CWH43: variants seen among roughly 807,000 people sequenced by gnomAD.
CWH43 encodes the protein cell wall biogenesis 43 C-terminal homolog.
In CWH43, 91 loss-of-function variants were observed where a neutral mutation model predicts 85.7. That is an observed-to-expected ratio of 1.06 (90% CI 0.90 to 1.26). CWH43 has a LOEUF of 1.26. Ranked by LOEUF, CWH43 falls within the 50% of genes most tolerant of loss-of-function variation. The pLI, the probability that CWH43 is intolerant of heterozygous loss-of-function variation, is 0.00. For synonymous variants in CWH43, 323 were observed against 293.6 expected (o/e 1.10, Z -1.02); for missense variants, 869 against 839.2 (o/e 1.04, Z -0.44).
Position 49,007,220 on chromosome 4 carries a change from C to A in CWH43, c.1080C>A (p.Ile360=), listed in dbSNP as rs769722314. Residue 360 remains isoleucine, a synonymous_variant, in exon 8 of 16, where the codon ATC becomes ATA. Transcript: ENST00000226432. ...DVLLGTMMLI[I]GLNMLFGPKK... ...TAACAGGGACAATGATGTTAATTAT[C>A]GGGCTGAATATGCTATTTGGTCCTA... is the stretch of plus-strand genomic sequence containing the variant. The A allele has an allele frequency of 6.2e-7, 1 of 1,609,912 alleles. No individual in the cohort carries two copies. Among genetic ancestry groups the A allele is most frequent in the South Asian group, 1.1e-5 (1 of 89,886 alleles).
intron 9 of CWH43, among the ~76,000 whole-genome samples, chr4:49,021,769 T>C (rs949684347): frequency 6.6e-6 from 1 of 152,224 alleles, no homozygotes; most frequent in African/African-American, 2.4e-5. Context: ...TTCACCTCCT[T>C]GGTTAAGTAT....
intron 1 of CWH43, 144 bp from the exon 2 acceptor site, chr4:48,988,329 ATGTC>A: frequency 1.8e-6 from 1 of 553,414 alleles, no homozygotes; most frequent in Non-Finnish European, 3.1e-6. Flanking sequence ...GTTTTGTTCC[ATGTC>A]AGTGGAGACA....
chr4:49,049,632 G>A (rs557316190), intron 14 of CWH43, among the ~76,000 whole-genome samples: 8 of 152,150 alleles, frequency 5.3e-5, no homozygotes, highest in South Asian at 2.1e-4. Context: ...ACTTCACTCC[G>A]GTCATGGTGG....
At chr4:48,989,575 C>T (rs572680212) in intron 2 of CWH43, among the ~76,000 whole-genome samples, 1 of 152,288 alleles carries the variant, frequency 6.6e-6, no homozygotes, top group African/African-American at 2.4e-5. Flanking sequence ...TGGATCCCCA[C>T]AAAGGTATAG....
intron 15 of CWH43, among the ~76,000 whole-genome samples, chr4:49,059,428 A>G (rs573134309): frequency 3.3e-5 from 5 of 151,986 alleles, no homozygotes; most frequent in South Asian, 2.1e-4. Flanking sequence ...GATTATTTTG[A>G]ATTTTTCATT....
In CWH43 at chr4:49,003,822, T is replaced by C. The variant is rs766403715; in HGVS notation, c.890T>C (p.Met297Thr). 1.2e-6 allele frequency: 2 copies of C among 1,614,006 alleles called. No individual in the cohort carries two copies. Among genetic ancestry groups the C allele is most frequent in the Non-Finnish European group, 1.7e-6 (2 of 1,179,934 alleles). ...GTCTTCGCCATCTTTACTGCATCCATGTGGCCCCAAACACTTGGACACCTT... is the reference window on the plus strand; with the variant it reads ...GTCTTCGCCATCTTTACTGCATCCACGTGGCCCCAAACACTTGGACACCTT... ...GCVFAIFTAS[M>T]WPQTLGHLIN... is the part of the protein sequence containing the mutation. Residue 297 changes from methionine (M) to threonine (T), a missense_variant, in exon 7 of 16, where the codon ATG becomes ACG. Met to Thr is a moderately conservative substitution (Grantham distance 81). This residue lies in a region of CWH43 where 577 missense variants were observed against 513.1 expected (regional missense o/e 1.12). Transcript: ENST00000226432.
intron 8 of CWH43, 83 bp from the exon 9 acceptor site, chr4:49,017,166 T>G (rs1783575812): frequency 1.8e-6 from 2 of 1,142,816 alleles, no homozygotes; most frequent in African/African-American, 3.1e-5. Flanking sequence ...GCACTGGAGC[T>G]GAGGCACTGA....
chr4:48,986,581 G>T (rs1251985762), intron 1 of CWH43, 109 bp downstream of exon 1: 1 of 1,523,568 alleles, frequency 6.6e-7, no homozygotes, highest in African/African-American at 1.4e-5. Context: ...GGAAAAGGGC[G>T]CTCCGTGCCC....
intron 7 of CWH43, among the ~76,000 whole-genome samples, chr4:49,005,426 T>A (rs1783124398): frequency 6.6e-6 from 1 of 152,142 alleles, no homozygotes; most frequent in African/African-American, 2.4e-5. Flanking sequence ...ACACCCACTG[T>A]CCTTGCCTAC....
intron 12 of CWH43, 73 bp from the exon 13 acceptor site, chr4:49,037,963 A>G: frequency 7.3e-7 from 1 of 1,376,076 alleles, no homozygotes; most frequent in South Asian, 1.4e-5. Context: ...AGTCTTTGGC[A>G]ACTTAGGTAC....
At chr4:49,004,075 A>T in intron 7 of CWH43, 83 bp downstream of exon 7, 1 of 1,261,696 alleles carries the variant, frequency 7.9e-7, no homozygotes, top group Non-Finnish European at 1.1e-6. Flanking sequence ...ACTTTATGTA[A>T]CTGGTGGAAA....
rs376409228 is a variant in CWH43, at chr4:48,993,215, T to C, written c.511+1125T>C. On this transcript the variant is annotated intron_variant, in intron 4 of 15. Coordinates refer to ENST00000226432, the MANE Select transcript of CWH43 (RefSeq NM_025087.3). ...CCTATCTGAGCATACCAAGTATTTT[T>C]TGTAGTTTCCTTTGAAGATTTGTTG... 3.3e-5 allele frequency among the ~76,000 whole-genome samples: 5 copies of C among 152,346 alleles called. No homozygotes were observed. The South Asian group carries it at 8.3e-4, about 25-fold the overall frequency.
intron 13 of CWH43, among the ~76,000 whole-genome samples, chr4:49,042,978 C>T (rs778132824): frequency 6.6e-6 from 1 of 152,174 alleles, no homozygotes; most frequent in Non-Finnish European, 1.5e-5. Context: ...TTACTTATGG[C>T]AGGAGGGTCT....
At chr4:49,007,562 G>C (rs1577666552) in intron 8 of CWH43, among the ~76,000 whole-genome samples, 1 of 152,066 alleles carries the variant, frequency 6.6e-6, no homozygotes, top group East Asian at 1.9e-4. Context: ...TGCCATGTTG[G>C]TTTGCTGGAC....
At chr4:49,049,256 C>A (rs1784721600) in intron 14 of CWH43, among the ~76,000 whole-genome samples, 1 of 152,158 alleles carries the variant, frequency 6.6e-6, no homozygotes, top group Admixed American at 6.6e-5. Context: ...CTTACCTTTC[C>A]CAATGGGCAG....
At position 48,986,397 on chromosome 4, in the gene CWH43, C is replaced by G. The variant is rs368182755; in HGVS notation, c.-33C>G. 6.5e-7 allele frequency: 1 copy of G among 1,545,928 alleles called. No homozygotes were observed. The highest frequency in any genetic ancestry group is 2.4e-5 in the East Asian group (1 of 40,854). On this transcript the variant is annotated 5_prime_UTR_variant, in exon 1 of 16. Coordinates refer to ENST00000226432, the MANE Select transcript of CWH43 (RefSeq NM_025087.3). The stretch of plus-strand genomic sequence containing the variant: ...AGGGCAGCGGGCCCGACCCGCACGG[C>G]TTTCCTGGAAAGCGCTGCCCCTCGC...
chr4:49,036,816 C>G (rs1477508025), intron 12 of CWH43, among the ~76,000 whole-genome samples: 2 of 152,150 alleles, frequency 1.3e-5, no homozygotes, highest in African/African-American at 4.8e-5. Flanking sequence ...TCTGCTTCCT[C>G]TGGTGTCTCT....
At chr4:49,048,169 G>A (rs1325406766) in intron 14 of CWH43, among the ~76,000 whole-genome samples, 1 of 152,066 alleles carries the variant, frequency 6.6e-6, no homozygotes, top group East Asian at 1.9e-4. Context: ...TTTAAAAAAT[G>A]TTGGGAACCA....
intron 14 of CWH43, among the ~76,000 whole-genome samples, chr4:49,048,013 A>G (rs1203885540): frequency 1.3e-5 from 2 of 152,204 alleles, no homozygotes; most frequent in African/African-American, 4.8e-5. Context: ...GAAGGTGCTG[A>G]AGGGTGAGTT....
Sources: allele counts gnomAD v4.1 joint callset (sites outside exome capture counted in the v4.1 genomes callset), GRCh38; gene constraint gnomAD v4.1.1; regional missense constraint gnomAD v4.1.1; transcripts MANE v1.5; gene names NCBI Gene and HGNC (gene_info 2026-07-23, HGNC 2026-07-21).